The following MEP1A variants were observed in gnomAD, a reference collection of about 807,000 sequenced individuals.
The protein encoded by MEP1A is N-benzoyl-L-tyrosyl-P-amino-benzoic acid hydrolase subunit alpha.
Under a neutral mutation model 84.5 loss-of-function variants are expected in MEP1A, and 68 were observed. The observed-to-expected ratio is 0.80, with a 90% CI of 0.66 to 0.98. MEP1A has a LOEUF of 0.98. MEP1A is among the 50% of genes least tolerant of loss of function. The pLI is 0.00. For synonymous variants in MEP1A, 337 were observed against 336.8 expected, an observed-to-expected ratio of 1.00 and a Z score of -0.01; for missense variants, 887 against 919.9, an observed-to-expected ratio of 0.96 and a Z score of 0.46.
At chr6:46,825,967 G>C (rs922199641) in intron 8 of MEP1A, among the ~76,000 whole-genome samples, 2 of 151,956 alleles carry the variant, frequency 1.3e-5, no homozygotes, top group Non-Finnish European at 2.9e-5. Flanking sequence ...TCTGGGGCAG[G>C]GTGTTTTCTA....
chr6:46,845,520 G>A, the MEP1A span, among the ~76,000 whole-genome samples: 1 of 152,200 alleles, frequency 6.6e-6, no homozygotes, highest in African/African-American at 2.4e-5. Context: ...TGATCCTAAT[G>A]GATATAATTA....
intron 3 of MEP1A, among the ~76,000 whole-genome samples, chr6:46,797,893 TC>T (rs1767095043): frequency 2.6e-5 from 1 of 37,788 alleles, no homozygotes; most frequent in African/African-American, 9.4e-5. Context: ...CTTCCTTCCT[TC>T]CTTCCTTCCT....
intron 10 of MEP1A, among the ~76,000 whole-genome samples, chr6:46,832,105 A>G (rs1341287582): frequency 4.6e-5 from 7 of 152,238 alleles, no homozygotes; most frequent in Non-Finnish European, 8.8e-5. Flanking sequence ...CTATAAGTAG[A>G]TATCTGGTTA....
At chr6:46,816,594 G>A (rs1767641428) in intron 6 of MEP1A, among the ~76,000 whole-genome samples, 1 of 151,600 alleles carries the variant, frequency 6.6e-6, no homozygotes, top group Non-Finnish European at 1.5e-5. Flanking sequence ...GGGGAGGAGG[G>A]GATCAAAGGG....
intron 7 of MEP1A, among the ~76,000 whole-genome samples, chr6:46,824,881 AATATATATAAATT>A (rs1157854294): frequency 0.063 from 4,639 of 73,790 alleles, 607 homozygotes; most frequent in African/African-American, 0.091. Flanking sequence ...GATCTATTTA[AATATATATAAATT>A]ATATATATAA....
At chr6:46,834,214 C>T (rs925849819) in intron 11 of MEP1A, among the ~76,000 whole-genome samples, 4 of 151,384 alleles carry the variant, frequency 2.6e-5, no homozygotes, top group African/African-American at 4.9e-5. Context: ...TGAGCCACCA[C>T]GCCTGGCACT....
At chr6:46,827,992 T>A (rs1231491130) in intron 9 of MEP1A, among the ~76,000 whole-genome samples, 1 of 152,214 alleles carries the variant, frequency 6.6e-6, no homozygotes, top group African/African-American at 2.4e-5. Flanking sequence ...AACATGTCCC[T>A]CTGCTAGAGA....
chr6:46,819,798 C>A, intron 7 of MEP1A, 94 bp downstream of exon 7: 2 of 1,318,566 alleles, frequency 1.5e-6, no homozygotes, highest in Non-Finnish European at 2.1e-6. Context: ...GAGCTTCAGC[C>A]TCTCTAGTGG....
At chr6:46,799,240 C>A in intron 5 of MEP1A, 59 bp downstream of exon 5, 3 of 1,160,380 alleles carry the variant, frequency 2.6e-6, no homozygotes, top group Non-Finnish European at 3.9e-6. Flanking sequence ...TCCTCTCAGC[C>A]TGTCCATGGG....
intron 5 of MEP1A, among the ~76,000 whole-genome samples, chr6:46,808,105 G>T (rs1767407149): frequency 6.6e-6 from 1 of 151,932 alleles, no homozygotes; most frequent in Non-Finnish European, 1.5e-5. Flanking sequence ...TAACAAAAGC[G>T]AAATAGCCTT....
chr6:46,808,901 C>G (rs1767424514), intron 5 of MEP1A, among the ~76,000 whole-genome samples: 1 of 152,024 alleles, frequency 6.6e-6, no homozygotes, highest in Non-Finnish European at 1.5e-5. Flanking sequence ...ACCCACAAAC[C>G]TCTCTAAGTT....
At position 46,827,723 on chromosome 6, in the gene MEP1A, T is replaced by G. The variant is rs1378689285; in HGVS notation, c.928+1220T>G. ...AGATTATCAAACATATCATCCCAAG[T>G]GTCCAAAGGTTGATCCAAGCCTGAA... On this transcript the variant is annotated intron_variant, in intron 9 of 13. Coordinates refer to ENST00000230588, the MANE Select transcript of MEP1A (RefSeq NM_005588.3). 2.0e-5 allele frequency among the ~76,000 whole-genome samples: 3 copies of G among 152,304 alleles called. No homozygotes were observed. The East Asian group carries it at 5.8e-4, about 29-fold the overall frequency.
intron 10 of MEP1A, 58 bp from the exon 11 acceptor site, chr6:46,833,013 CATA>C (rs745697813): frequency 2.3e-5 from 22 of 946,990 alleles, no homozygotes; most frequent in South Asian, 8.5e-5. Context: ...GTGCCAAACT[CATA>C]ATAAGTACTC....
intron 6 of MEP1A, among the ~76,000 whole-genome samples, chr6:46,810,648 G>A (rs1361282874): frequency 1.3e-5 from 2 of 152,092 alleles, no homozygotes; most frequent in South Asian, 2.1e-4. Context: ...TCTGTATAGG[G>A]TGAGAGAAGA....
intron 6 of MEP1A, among the ~76,000 whole-genome samples, chr6:46,812,470 G>A (rs1305144480): frequency 1.3e-5 from 2 of 151,698 alleles, no homozygotes; most frequent in South Asian, 2.1e-4. Context: ...GTTTCATTTA[G>A]TTGTGCTCTG....
downstream of MEP1A, among the ~76,000 whole-genome samples, chr6:46,841,573 G>A (rs1436666302): frequency 6.6e-6 from 1 of 152,160 alleles, no homozygotes; most frequent in Non-Finnish European, 1.5e-5. Context: ...GAAAAATGTG[G>A]GAAATCCTCC....
In MEP1A at chr6:46,819,456, GT is replaced by G; in HGVS notation, c.381-69del. On this transcript the variant is annotated intron_variant, in intron 6 of 13. Transcript: ENST00000230588. Reference sequence around the variant, plus strand: ...CAAGCCTAATTTCCTCCTAATTTGTGTTTTGGAGTACTGTGAATGACAGCCA... The same window carrying G: ...CAAGCCTAATTTCCTCCTAATTTGTGTTTGGAGTACTGTGAATGACAGCCA... 2.4e-6 allele frequency: 3 copies of G among 1,246,602 alleles called. No individual in the cohort carries two copies. In the Admixed American group the frequency reaches 7.8e-5, roughly 32 times the overall value. 77.2% of individuals were successfully genotyped at this position (1,246,602 alleles called of 1,614,324 possible).
In MEP1A at chr6:46,828,939, A is replaced by C. The variant is rs147098423; in HGVS notation, c.929-417A>C. ...TGTCAATGTTTAAAACCAAATCCTA[A>C]ATCTTTGAATTCCAGTGTCTTATAC... On this transcript the variant is annotated intron_variant, in intron 9 of 13. Coordinates refer to ENST00000230588, the MANE Select transcript of MEP1A (RefSeq NM_005588.3). 3.9e-3 allele frequency among the ~76,000 whole-genome samples: 597 copies of C among 152,236 alleles called. 10 individuals carry two copies. The highest frequency in any genetic ancestry group is 0.024 in the Middle Eastern group (7 of 294).
At position 46,833,478 on chromosome 6, in the gene MEP1A, G is replaced by A. The variant is rs760338826; in HGVS notation, c.1549G>A (p.Val517Ile). 6.2e-7 allele frequency: 1 copy of A among 1,614,150 alleles called. No individual in the cohort carries two copies. Among genetic ancestry groups the A allele is most frequent in the Non-Finnish European group, 8.5e-7 (1 of 1,180,026 alleles). ...TACCATCCTTGACCAGGAGCCTGAT[G>A]TCCGGAACAGGATGTCCTCAAGCAT... ...IITILDQEPDVRNRMSSSMVF... is the reference protein window; with the variant it reads ...IITILDQEPDIRNRMSSSMVF... Residue 517 changes from valine (V) to isoleucine (I), a missense_variant, in exon 11 of 14, where the codon GTC becomes ATC. Coordinates refer to ENST00000230588, the MANE Select transcript of MEP1A (RefSeq NM_005588.3).
Sources: gnomAD v4.1 joint callset for allele counts (sites outside exome capture counted in the v4.1 genomes callset) on GRCh38, gnomAD v4.1.1 for gene constraint, MANE v1.5 for transcripts, NCBI Gene and HGNC (gene_info 2026-07-23, HGNC 2026-07-21) for gene names.